CYP3A43: variants seen among roughly 807,000 people sequenced by gnomAD.
CYP3A43 encodes cytochrome P450 3A43.
In CYP3A43, 45 loss-of-function variants were observed where a neutral mutation model predicts 58.0. The ratio of observed to expected loss-of-function variants is 0.78; its 90% CI spans 0.61 to 0.99. CYP3A43 has a LOEUF of 0.99. Ranked by LOEUF, CYP3A43 falls within the 50% of genes least tolerant of loss-of-function variation. CYP3A43 has a pLI of 0.00. For synonymous variants in CYP3A43, 191 were observed against 201.4 expected, an observed-to-expected ratio of 0.95 and a Z score of 0.44; for missense variants, 593 against 591.9, an observed-to-expected ratio of 1.00 and a Z score of -0.02.
chr7:99,838,948 C>T (rs1817208977), intron 2 of CYP3A43, 172 bp from the exon 3 acceptor site: 7 of 757,386 alleles, frequency 9.2e-6, no homozygotes, highest in Non-Finnish European at 1.5e-5. Flanking sequence ...CCATTGCACT[C>T]CAGCCTGGGC....
chr7:99,864,372 T>C (rs1235388209), intron 12 of CYP3A43, among the ~76,000 whole-genome samples: 2 of 148,822 alleles, frequency 1.3e-5, no homozygotes, highest in Non-Finnish European at 2.9e-5. Flanking sequence ...ATACAAGCTG[T>C]GCATCTTTTC....
At position 99,848,241 on chromosome 7, in the gene CYP3A43, A is replaced by C; in HGVS notation, c.508A>C (p.Ile170Leu). 6.2e-7 allele frequency: 1 copy of C among 1,614,132 alleles called. No individual in the cohort carries two copies. The highest frequency in any genetic ancestry group is 8.5e-7 in the Non-Finnish European group (1 of 1,180,004). ...GCAGGAAGCAGAGAACAGCAAGTCC[A>C]TCAACTTGAAAGAGTAAGTAGCACA... ...LRQEAENSKS[I>L]NLKDFFGAYT... The change falls in exon 6 of 13, where the codon ATC becomes CTC. Residue 170 changes from isoleucine (I) to leucine (L), a missense_variant. Physicochemically the swap from Ile to Leu is conservative, Grantham distance 5 (BLOSUM62 2). Transcript: ENST00000354829.
chr7:99,839,934 T>G (rs1440265543), intron 3 of CYP3A43, among the ~76,000 whole-genome samples: 3 of 152,312 alleles, frequency 2.0e-5, no homozygotes, highest in Middle Eastern at 3.4e-3. Context: ...ATGGTTCTCT[T>G]CCTGGCTGGC....
At chr7:99,848,294 C>T (rs1323046380) in intron 6 of CYP3A43, 40 bp downstream of exon 6, 4 of 1,596,892 alleles carry the variant, frequency 2.5e-6, no homozygotes, top group Non-Finnish European at 3.4e-6. Flanking sequence ...TGTCATGAGC[C>T]CCTCCAGCTG....
At chr7:99,863,308 T>C (rs1267206669) in intron 11 of CYP3A43, among the ~76,000 whole-genome samples, 1 of 152,172 alleles carries the variant, frequency 6.6e-6, no homozygotes, top group Non-Finnish European at 1.5e-5. Flanking sequence ...TCCATCAAAA[T>C]TTTTTCACAA....
chr7:99,841,137 A>G (rs966880739), intron 3 of CYP3A43, among the ~76,000 whole-genome samples: 8 of 152,120 alleles, frequency 5.3e-5, no homozygotes, highest in African/African-American at 1.9e-4. Flanking sequence ...GTGGCTTTTC[A>G]TTTTGGAATT....
chr7:99,836,633 G>A (rs1817093407), intron 2 of CYP3A43, 87 bp downstream of exon 2: 1 of 981,510 alleles, frequency 1.0e-6, no homozygotes, highest in Non-Finnish European at 1.5e-6. Flanking sequence ...CTCCTCAGGA[G>A]GAATTTCCAA....
chr7:99,853,737 A>G (rs1817850684), intron 7 of CYP3A43, among the ~76,000 whole-genome samples: 1 of 152,216 alleles, frequency 6.6e-6, no homozygotes, highest in South Asian at 2.1e-4. Flanking sequence ...TTGTATTTTT[A>G]GTAAAGACAA....
intron 7 of CYP3A43, among the ~76,000 whole-genome samples, chr7:99,852,007 TA>T (rs1483863086): frequency 2.6e-5 from 4 of 152,222 alleles, no homozygotes; most frequent in African/African-American, 7.2e-5. Context: ...AGCCCAGCTT[TA>T]TTCTTACACT....
chr7:99,844,357 C>T, intron 4 of CYP3A43, 115 bp downstream of exon 4: 1 of 940,848 alleles, frequency 1.1e-6, no homozygotes, highest in Admixed American at 2.5e-5. Flanking sequence ...GTCCTATTTC[C>T]CCCAATGGTG....
At chr7:99,838,057 A>G (rs1217667478) in intron 2 of CYP3A43, among the ~76,000 whole-genome samples, 1 of 152,218 alleles carries the variant, frequency 6.6e-6, no homozygotes. Flanking sequence ...GTAAATCCAC[A>G]TGTCCTGGGC....
At chr7:99,859,668 T>C (rs1207053731) in intron 9 of CYP3A43, among the ~76,000 whole-genome samples, 162 bp from the exon 10 acceptor site, 2 of 152,264 alleles carry the variant, frequency 1.3e-5, no homozygotes, top group East Asian at 3.8e-4. Flanking sequence ...ATTCTGGCTC[T>C]GTAGGATACA....
intron 1 of CYP3A43, among the ~76,000 whole-genome samples, chr7:99,828,834 C>T (rs545827634): frequency 2.1e-4 from 32 of 152,254 alleles, no homozygotes; most frequent in Non-Finnish European, 2.4e-4. Context: ...GGAAGATCTT[C>T]CAAAAAGAAT....
rs1373727374 is a variant in CYP3A43 at position 99,839,573 on chromosome 7, C to T, written c.218+401C>T. Among the ~76,000 whole-genome samples, 3 of 152,160 alleles carry T rather than the reference C, an allele frequency of 2.0e-5. No homozygotes were observed. The East Asian group carries it at 5.8e-4, about 29-fold the overall frequency. ...CCACAACAATAGCAATGTGGCATCA[C>T]TCGTCTGGGGTAATACCCGAGGTTT... is the stretch of plus-strand genomic sequence containing the variant. On this transcript the variant is annotated intron_variant, in intron 3 of 12. Coordinates refer to ENST00000354829, the MANE Select transcript of CYP3A43 (RefSeq NM_057095.3).
chr7:99,828,325 T>C (rs977814337), intron 1 of CYP3A43, 139 bp downstream of exon 1: 7 of 560,940 alleles, frequency 1.2e-5, no homozygotes, highest in African/African-American at 9.4e-5. Context: ...TGTGAACACA[T>C]AAAATATTAT....
In CYP3A43 at chr7:99,836,433, C is replaced by A; in HGVS notation, c.72-20C>A. 6.3e-7 allele frequency: 1 copy of A among 1,599,768 alleles called. No individual in the cohort carries two copies. The highest frequency in any genetic ancestry group is 8.6e-7 in the Non-Finnish European group (1 of 1,168,484). On this transcript the variant is annotated intron_variant, in intron 1 of 12. Transcript: ENST00000354829. ...TAAAGTTACAATTTCTGTAACCTGG[C>A]TTTCTCTTTTATTTTATAGTTATGG...
Position 99,849,549 on chromosome 7 carries a change from C to A in CYP3A43, c.525C>A (p.Phe175Leu). The change falls in exon 7 of 13, where the codon TTC becomes TTA. Residue 175 changes from phenylalanine to leucine, a missense_variant. Phe to Leu is a conservative substitution (Grantham distance 22). Coordinates refer to ENST00000354829, the MANE Select transcript of CYP3A43 (RefSeq NM_057095.3). ...ENSKSINLKD[F>L]FGAYTMDVIT... is the part of the protein sequence containing the mutation. ...TTCCATGTTTTACTCTACTCAGTTT[C>A]TTTGGGGCCTACACCATGGATGTAA... The A allele has an allele frequency of 7.5e-6, 12 of 1,595,060 alleles. No homozygotes were observed. The highest frequency in any genetic ancestry group is 1.0e-5 in the Non-Finnish European group (12 of 1,175,416).
At chr7:99,857,774 C>T (rs1365632690) in intron 9 of CYP3A43, among the ~76,000 whole-genome samples, 2 of 152,076 alleles carry the variant, frequency 1.3e-5, no homozygotes, top group Non-Finnish European at 2.9e-5. Flanking sequence ...ACCAGGGAGG[C>T]GGAGGTTGCA....
intron 7 of CYP3A43, among the ~76,000 whole-genome samples, chr7:99,851,671 A>G (rs1206593387): frequency 6.6e-6 from 1 of 152,136 alleles, no homozygotes; most frequent in East Asian, 1.9e-4. Flanking sequence ...TCTACATACA[A>G]CTTCCTTCTC....
Sources: allele counts gnomAD v4.1 joint callset (sites outside exome capture counted in the v4.1 genomes callset), GRCh38; gene constraint gnomAD v4.1.1; transcripts MANE v1.5; gene names NCBI Gene and HGNC (gene_info 2026-07-23, HGNC 2026-07-21).